Variants in MAPKAPK2 observed in about 807,000 individuals in gnomAD.
The protein encoded by MAPKAPK2 is MAPK activated protein kinase 2.
In MAPKAPK2, 9 loss-of-function variants were observed where a neutral mutation model predicts 48.8. That is an observed-to-expected ratio of 0.18 (90% CI 0.11 to 0.32). MAPKAPK2 has a LOEUF of 0.32. Among genes scored for constraint, MAPKAPK2 ranks in the 10% least tolerant of loss-of-function variants. MAPKAPK2 has a pLI of 1.00. For synonymous variants in MAPKAPK2, 202 were observed against 190.6 expected (o/e 1.06, Z -0.49); for missense variants, 331 against 498.3 (o/e 0.66, Z 3.20).
chr1:206,731,030 C>G lies in MAPKAPK2; in HGVS notation c.768-108C>G, dbSNP rs1479698114. ...TGCCTGTGTCAATAAGCCCTGATTTCTCTGTGACCTTTACAAGGAGAAGAG... is the reference window on the plus strand; with the variant it reads ...TGCCTGTGTCAATAAGCCCTGATTTGTCTGTGACCTTTACAAGGAGAAGAG... On this transcript the variant is annotated intron_variant, in intron 6 of 9. Coordinates refer to ENST00000367103, the MANE Select transcript of MAPKAPK2 (RefSeq NM_032960.4). This position sits in a 1 kb window ranked among gnomAD's most constrained non-coding sequence, Gnocchi z 5.9. The G allele has an allele frequency of 2.0e-6, 3 of 1,469,262 alleles. No homozygotes were observed. In the Admixed American group the frequency reaches 5.1e-5, roughly 25 times the overall value. The allele number at this position is 1,469,262 out of a possible 1,614,324, so 91.0% of individuals were successfully genotyped here.
At chr1:206,702,684 C>T (rs1672833460) in intron 1 of MAPKAPK2, among the ~76,000 whole-genome samples, 1 of 152,222 alleles carries the variant, frequency 6.6e-6, no homozygotes, top group Admixed American at 6.5e-5. Flanking sequence ...CCTTCAGTAG[C>T]CTCCCTTCAC....
At position 206,685,295 on chromosome 1, in the gene MAPKAPK2, G is replaced by A. The variant is rs1672244723; in HGVS notation, c.66G>A (p.Gln22=). ...VPFPAPAPPP[Q]PPTPALPHPP... is the part of the protein sequence containing the mutation. Reference sequence around the variant, plus strand: ...TCCCCGCCCCGGCCCCGCCGCCGCAGCCCCCCACCCCTGCCCTGCCGCACC... The same window carrying A: ...TCCCCGCCCCGGCCCCGCCGCCGCAACCCCCCACCCCTGCCCTGCCGCACC... The change falls in exon 1 of 10, where the codon CAG becomes CAA. Residue 22 remains glutamine, a synonymous_variant. Coordinates refer to ENST00000367103, the MANE Select transcript of MAPKAPK2 (RefSeq NM_032960.4). 34 of 306,692 alleles carry A rather than the reference G, an allele frequency of 1.1e-4. No homozygotes were observed. Among genetic ancestry groups the A allele is most frequent in the Non-Finnish European group, 1.5e-4 (26 of 168,588 alleles). 19.0% of individuals were successfully genotyped at this position (306,692 alleles called of 1,614,324 possible).
intron 1 of MAPKAPK2, among the ~76,000 whole-genome samples, chr1:206,706,537 GA>G (rs1357582463): frequency 6.6e-6 from 1 of 152,174 alleles, no homozygotes; most frequent in Non-Finnish European, 1.5e-5. Flanking sequence ...CAGCAGCTCT[GA>G]CCCCCGTGGG....
chr1:206,700,958 A>G (rs1672775135), intron 1 of MAPKAPK2, among the ~76,000 whole-genome samples: 1 of 152,244 alleles, frequency 6.6e-6, no homozygotes, highest in Admixed American at 6.5e-5. Flanking sequence ...TCTGGGCAGA[A>G]CAGGGTAAAG....
chr1:206,685,834 C>T (rs1672271978), intron 1 of MAPKAPK2, among the ~76,000 whole-genome samples: 1 of 152,206 alleles, frequency 6.6e-6, no homozygotes, highest in East Asian at 1.9e-4. Flanking sequence ...TAATTTCACT[C>T]CATCTCAAGG....
intron 1 of MAPKAPK2, among the ~76,000 whole-genome samples, chr1:206,691,251 CT>C (rs1332243012): frequency 6.6e-6 from 1 of 152,038 alleles, no homozygotes; most frequent in Admixed American, 6.5e-5. Context: ...GTCTGGGCCC[CT>C]TTGGTTTTTG....
Position 206,704,351 on chromosome 1 carries a change from C to T in MAPKAPK2, c.279+18843C>T, listed in dbSNP as rs782572344. On this transcript the variant is annotated intron_variant, in intron 1 of 9. Coordinates refer to ENST00000367103, the MANE Select transcript of MAPKAPK2 (RefSeq NM_032960.4). This position sits in a 1 kb window ranked among gnomAD's most constrained non-coding sequence, Gnocchi z 4.3. ...TCTCCCAGGGTCCCCTTGCTGGGCA[C>T]GCTTGGCAGGCATCCTGCTTTTCCT... 6.6e-5 allele frequency among the ~76,000 whole-genome samples: 10 copies of T among 152,186 alleles called. No homozygotes were observed. The highest frequency in any genetic ancestry group is 8.8e-5 in the Non-Finnish European group (6 of 68,048).
chr1:206,728,592 G>C (rs1482697879), intron 1 of MAPKAPK2, 118 bp from the exon 2 acceptor site: 2 of 1,129,686 alleles, frequency 1.8e-6, no homozygotes, highest in Admixed American at 5.0e-5. Flanking sequence ...TGGTGGGGGG[G>C]GCCAGCAGGA....
At position 206,716,178 on chromosome 1, in the gene MAPKAPK2, T is replaced by A. The variant is rs114834594; in HGVS notation, c.280-12532T>A. Among the ~76,000 whole-genome samples, 1,491 of 152,224 alleles carry A rather than the reference T, an allele frequency of 9.8e-3. 20 individuals are homozygous for A. Among genetic ancestry groups the A allele is most frequent in the African/African-American group, 0.035 (1,445 of 41,522 alleles). On this transcript the variant is annotated intron_variant, in intron 1 of 9. Transcript: ENST00000367103. ...AAGTTCAGGGTAATAGTTCCCTTCCTTGTATCTTCAGCTGTGTGAGAGGTA... is the reference window on the plus strand; with the variant it reads ...AAGTTCAGGGTAATAGTTCCCTTCCATGTATCTTCAGCTGTGTGAGAGGTA...
intron 6 of MAPKAPK2, 102 bp downstream of exon 6, chr1:206,730,865 C>T: frequency 1.6e-6 from 2 of 1,267,090 alleles, no homozygotes; most frequent in Admixed American, 1.8e-5. Flanking sequence ...CCCCTTTGTA[C>T]AGGGGAGTCC....
chr1:206,695,989 G>A (rs549992539), intron 1 of MAPKAPK2: 11 of 751,204 alleles, frequency 1.5e-5, no homozygotes, highest in Admixed American at 1.1e-4. Context: ...CCTATGGCTC[G>A]GAGTTCGATG....
chr1:206,687,695 T>G (rs1672328343), intron 1 of MAPKAPK2, among the ~76,000 whole-genome samples: 1 of 152,236 alleles, frequency 6.6e-6, no homozygotes. Flanking sequence ...TTTCTAGATC[T>G]TGAATTTTGA....
chr1:206,732,774 A>G lies in MAPKAPK2; in HGVS notation c.*56A>G, dbSNP rs1184793679. On this transcript the variant is annotated 3_prime_UTR_variant, in exon 10 of 10. Transcript: ENST00000367103. This position sits in a 1 kb window ranked among gnomAD's most constrained non-coding sequence, Gnocchi z 4.4. Reference sequence around the variant, plus strand: ...AAGCAATAACTCTCTACAGGAATATATTTTTTAAACGAAGAGACAGAACTG... The same window carrying G: ...AAGCAATAACTCTCTACAGGAATATGTTTTTTAAACGAAGAGACAGAACTG... The G allele has an allele frequency of 2.3e-5, 36 of 1,593,964 alleles. No individual in the cohort carries two copies. Among genetic ancestry groups the G allele is most frequent in the Non-Finnish European group, 3.0e-5 (35 of 1,167,288 alleles).
At chr1:206,695,783 T>A (rs1008189489) in intron 1 of MAPKAPK2, 26 of 262,102 alleles carry the variant, frequency 9.9e-5, no homozygotes, top group African/African-American at 4.1e-4. Context: ...TTTTTTTTTT[T>A]AACAGGAAGG....
At chr1:206,722,960 AC>A (rs1673577831) in intron 1 of MAPKAPK2, among the ~76,000 whole-genome samples, 1 of 152,042 alleles carries the variant, frequency 6.6e-6, no homozygotes, top group African/African-American at 2.4e-5. Flanking sequence ...CTTTCCCCCG[AC>A]CCCCAGCTGC....
rs782458800 is a variant in MAPKAPK2 at position 206,731,944 on chromosome 1, G to A, written c.1059+25G>A. ...GGTGAGGGGCACCACTGGGTGAGAG[G>A]GGCTCCAGGTGGGGTGGGCGGCTTG... On this transcript the variant is annotated intron_variant, in intron 9 of 9. Transcript: ENST00000367103. The surrounding 1 kb of genome is among the most constrained non-coding windows in gnomAD (Gnocchi z 5.9). 2 of 1,614,018 alleles carry A rather than the reference G, an allele frequency of 1.2e-6. No individual in the cohort carries two copies. Among genetic ancestry groups the A allele is most frequent in the Non-Finnish European group, 1.7e-6 (2 of 1,180,014 alleles).
At chr1:206,698,841 A>G (rs1331238835) in intron 1 of MAPKAPK2, among the ~76,000 whole-genome samples, 1 of 152,018 alleles carries the variant, frequency 6.6e-6, no homozygotes, top group Admixed American at 6.5e-5. Context: ...GGGGGGTGGG[A>G]AGGGGGACCA....
rs1673886093 is a variant in MAPKAPK2 at position 206,731,048 on chromosome 1, G to A, written c.768-90G>A. 6.5e-7 allele frequency: 1 copy of A among 1,535,904 alleles called. No homozygotes were observed. Among genetic ancestry groups the A allele is most frequent in the Non-Finnish European group, 9.0e-7 (1 of 1,110,582 alleles). ...CTGATTTCTCTGTGACCTTTACAAG[G>A]AGAAGAGCCTGTTTCTCATCCTGTT... On this transcript the variant is annotated intron_variant, in intron 6 of 9. Coordinates refer to ENST00000367103, the MANE Select transcript of MAPKAPK2 (RefSeq NM_032960.4). This position sits in a 1 kb window ranked among gnomAD's most constrained non-coding sequence, Gnocchi z 5.9.
Position 206,731,413 on chromosome 1 carries a change from C to A in MAPKAPK2, c.892+151C>A, listed in dbSNP as rs782029083. The stretch of plus-strand genomic sequence containing the variant: ...CTATGCCCACGCCTGCGGGGTGCGT[C>A]CTGCTTCATTTTGCCTGTGTGGAGG... On this transcript the variant is annotated intron_variant, in intron 7 of 9. Coordinates refer to ENST00000367103, the MANE Select transcript of MAPKAPK2 (RefSeq NM_032960.4). The surrounding 1 kb of genome is among the most constrained non-coding windows in gnomAD (Gnocchi z 5.9). The A allele has an allele frequency of 4.0e-5, 58 of 1,432,514 alleles. No homozygotes were observed. The highest frequency in any genetic ancestry group is 5.2e-5 in the Non-Finnish European group (55 of 1,060,058). The allele number at this position is 1,432,514 out of a possible 1,614,324, so 88.7% of individuals were successfully genotyped here.
Sources: allele counts gnomAD v4.1 joint callset (sites outside exome capture counted in the v4.1 genomes callset), GRCh38; gene constraint gnomAD v4.1.1; non-coding constraint Gnocchi (gnomAD v3.1); transcripts MANE v1.5; gene names NCBI Gene and HGNC (gene_info 2026-07-23, HGNC 2026-07-21).